The following GDF11 variants were observed in gnomAD, a reference collection of about 807,000 sequenced individuals.
GDF11 encodes growth differentiation factor 11.
GDF11 carries 12 observed loss-of-function variants against 34.4 expected under a neutral mutation model. The observed-to-expected ratio is 0.35, with a 90% CI of 0.22 to 0.57. The LOEUF is 0.57. Ranked by LOEUF, GDF11 falls within the 20% of genes least tolerant of loss-of-function variation. The probability of loss-of-function intolerance (pLI) is 0.86; values close to 1 mark genes in which losing one functional copy is unlikely to be tolerated. For missense variants in GDF11, 346 were observed against 548.2 expected (o/e 0.63, Z 3.68); for synonymous variants, 212 against 231.1 (o/e 0.92, Z 0.75).
In GDF11 at chr12:55,750,777, G is replaced by C. The variant is rs567550907; in HGVS notation, c.*895G>C. 28 of 152,194 alleles carry C rather than the reference G, an allele frequency of 1.8e-4. No individual in the cohort carries two copies. The highest frequency in any genetic ancestry group is 6.5e-4 in the African/African-American group (27 of 41,442). 9.4% of individuals were successfully genotyped at this position (152,194 alleles called of 1,614,324 possible). A position where few individuals can be genotyped will look rare whatever the true frequency, so the allele number is the denominator to read the frequency against. ...GAGCTGGGGATGCGGGGGTGGGAGA[G>C]AGAACCCTCAACATCCAGGATCTAT... On this transcript the variant is annotated 3_prime_UTR_variant, in exon 3 of 3. Transcript: ENST00000257868.
chr12:55,747,399 G>A (rs1466202965), intron 1 of GDF11, among the ~76,000 whole-genome samples: 2 of 152,014 alleles, frequency 1.3e-5, no homozygotes, highest in Non-Finnish European at 2.9e-5. Context: ...GGTGGGGGTG[G>A]GGAAGAGCTG....
chr12:55,745,672 G>T (rs1474514507), intron 1 of GDF11, among the ~76,000 whole-genome samples: 1 of 151,936 alleles, frequency 6.6e-6, no homozygotes, highest in Non-Finnish European at 1.5e-5. Context: ...AGAGACTTGT[G>T]CTCTGCTAAT....
At position 55,749,751 on chromosome 12, in the gene GDF11, A is replaced by G. The variant is rs771675483; in HGVS notation, c.1093A>G (p.Arg365Gly). The G allele has an allele frequency of 1.9e-6, 3 of 1,614,128 alleles. No individual in the cohort carries two copies. The highest frequency in any genetic ancestry group is 2.2e-5 in the South Asian group (2 of 91,072). Residue 365 changes from arginine to glycine, a missense_variant, in exon 3 of 3, where the codon AGA (arginine) becomes GGA (glycine). Coordinates refer to ENST00000257868, the MANE Select transcript of GDF11 (RefSeq NM_005811.5). This position sits in a 1 kb window ranked among gnomAD's most constrained non-coding sequence, Gnocchi z 5.6. ...CCATTTGGTGCAGCAGGCCAATCCAAGAGGCTCTGCTGGGCCCTGTTGTAC... is the reference window on the plus strand; with the variant it reads ...CCATTTGGTGCAGCAGGCCAATCCAGGAGGCTCTGCTGGGCCCTGTTGTAC... ...HTHLVQQANP[R>G]GSAGPCCTPT...
Position 55,750,851 on chromosome 12 carries a change from TTA to T in GDF11, c.*971_*972del. 1 of 152,118 alleles carries T rather than the reference TTA, an allele frequency of 6.6e-6. No homozygotes were observed. Among genetic ancestry groups the T allele is most frequent in the East Asian group, 1.9e-4 (1 of 5,178 alleles). 9.4% of individuals were successfully genotyped at this position (152,118 alleles called of 1,614,324 possible). A position where few individuals can be genotyped will look rare whatever the true frequency, so the allele number is the denominator to read the frequency against. On this transcript the variant is annotated 3_prime_UTR_variant, in exon 3 of 3. Coordinates refer to ENST00000257868, the MANE Select transcript of GDF11 (RefSeq NM_005811.5). Reference sequence around the variant, plus strand: ...TCAGGTCCACCCTCATGATGCTGAGTTATTTAGCCAGAGGGTGCAGCCTGCTT... The same window carrying T: ...TCAGGTCCACCCTCATGATGCTGAGTTTTAGCCAGAGGGTGCAGCCTGCTT...
rs933180145 is a variant in GDF11, at chr12:55,752,083, C to T, written c.*2201C>T. 7.2e-5 allele frequency: 11 copies of T among 152,234 alleles called. No homozygotes were observed. The highest frequency in any genetic ancestry group is 2.7e-4 in the African/African-American group (11 of 41,450). 9.4% of individuals were successfully genotyped at this position (152,234 alleles called of 1,614,324 possible). A position where few individuals can be genotyped will look rare whatever the true frequency, so the allele number is the denominator to read the frequency against. On this transcript the variant is annotated 3_prime_UTR_variant, in exon 3 of 3. Coordinates refer to ENST00000257868, the MANE Select transcript of GDF11 (RefSeq NM_005811.5). ...TATAGCAGCTATGCTAACCCCAAGCCTCTCTGGCCCTGTTCTTCATCCTTC... is the reference window on the plus strand; with the variant it reads ...TATAGCAGCTATGCTAACCCCAAGCTTCTCTGGCCCTGTTCTTCATCCTTC...
intron 1 of GDF11, among the ~76,000 whole-genome samples, chr12:55,746,922 T>A (rs573734885): frequency 6.6e-6 from 1 of 152,346 alleles, no homozygotes; most frequent in African/African-American, 2.4e-5. Context: ...GCCTGTATAA[T>A]TTAAGATTGG....
chr12:55,744,607 A>G (rs952985786), intron 1 of GDF11, among the ~76,000 whole-genome samples: 1 of 152,066 alleles, frequency 6.6e-6, no homozygotes, highest in African/African-American at 2.4e-5. Flanking sequence ...CTGCTTTGAA[A>G]TTTTATGGCC....
rs980340171 is a variant in GDF11 at position 55,756,505 on chromosome 12, C to T, written c.*6623C>T. The T allele has an allele frequency of 1.3e-5, 2 of 152,154 alleles. No individual in the cohort carries two copies. Among genetic ancestry groups the T allele is most frequent in the Non-Finnish European group, 2.9e-5 (2 of 68,034 alleles). The allele number at this position is 152,154 out of a possible 1,614,324, so 9.4% of individuals were successfully genotyped here. A position where few individuals can be genotyped will look rare whatever the true frequency, so the allele number is the denominator to read the frequency against. ...ATAAGGATAAAGGATTACACCACAG[C>T]AACATGGGACCTGATCATAGTACCA... On this transcript the variant is annotated 3_prime_UTR_variant, in exon 3 of 3. Coordinates refer to ENST00000257868, the MANE Select transcript of GDF11 (RefSeq NM_005811.5).
intron 1 of GDF11, among the ~76,000 whole-genome samples, chr12:55,744,137 C>T (rs1458464497): frequency 6.6e-6 from 1 of 152,198 alleles, no homozygotes; most frequent in South Asian, 2.1e-4. Context: ...GCAGGACCCC[C>T]GCAGCCCCAG....
Position 55,750,765 on chromosome 12 carries a change from G to C in GDF11, c.*883G>C, listed in dbSNP as rs1442333121. The stretch of plus-strand genomic sequence containing the variant: ...GTTAGGGTTTAAGAGCTGGGGATGC[G>C]GGGGTGGGAGAGAGAACCCTCAACA... On this transcript the variant is annotated 3_prime_UTR_variant, in exon 3 of 3. Transcript: ENST00000257868. 1 of 152,172 alleles carries C rather than the reference G, an allele frequency of 6.6e-6. No homozygotes were observed. Among genetic ancestry groups the C allele is most frequent in the Non-Finnish European group, 1.5e-5 (1 of 68,028 alleles). The allele number at this position is 152,172 out of a possible 1,614,324, so 9.4% of individuals were successfully genotyped here.
In GDF11 at chr12:55,750,060, G is replaced by A. The variant is rs1235880572; in HGVS notation, c.*178G>A. The A allele has an allele frequency of 9.8e-6, 6 of 611,884 alleles. No individual in the cohort carries two copies. Among genetic ancestry groups the A allele is most frequent in the African/African-American group, 1.8e-5 (1 of 54,474 alleles). The allele number at this position is 611,884 out of a possible 1,614,324, so 37.9% of individuals were successfully genotyped here. A position where few individuals can be genotyped will look rare whatever the true frequency, so the allele number is the denominator to read the frequency against. ...GGTGGGAATTGAGGGTGAGGGGTTT[G>A]GGGGAAAGGGGAAGCAGGGGCATAG... On this transcript the variant is annotated 3_prime_UTR_variant, in exon 3 of 3. Transcript: ENST00000257868.
chr12:55,745,434 G>C (rs957730159), intron 1 of GDF11, among the ~76,000 whole-genome samples: 12 of 151,988 alleles, frequency 7.9e-5, no homozygotes, highest in African/African-American at 2.4e-4. Context: ...GCCTGGGTCG[G>C]TGGGAAGGGG....
rs1427409294 is a variant in GDF11, at chr12:55,750,250, A to C, written c.*368A>C. ...GCAGAGACAAAACACTGAGAAAGAG[A>C]CTGAAATGGAGTAATAAATGAAAGC... On this transcript the variant is annotated 3_prime_UTR_variant, in exon 3 of 3. Transcript: ENST00000257868. The C allele has an allele frequency of 1.5e-5, 3 of 203,648 alleles. No homozygotes were observed. Among genetic ancestry groups the C allele is most frequent in the Non-Finnish European group, 2.9e-5 (3 of 101,740 alleles). 12.6% of individuals were successfully genotyped at this position (203,648 alleles called of 1,614,324 possible).
chr12:55,746,026 G>C (rs901008864), intron 1 of GDF11, among the ~76,000 whole-genome samples: 1 of 152,058 alleles, frequency 6.6e-6, no homozygotes, highest in Non-Finnish European at 1.5e-5. Flanking sequence ...TGCAGGGAGG[G>C]GGTTGGGCAT....
chr12:55,749,353 G>A lies in GDF11; in HGVS notation c.844-149G>A. The stretch of plus-strand genomic sequence containing the variant: ...GCTAGCTAGCTGGCAAGAAAAGTGG[G>A]CAAAAGATAAATTCTGGGGGTGGGA... On this transcript the variant is annotated intron_variant, in intron 2 of 2. Coordinates refer to ENST00000257868, the MANE Select transcript of GDF11 (RefSeq NM_005811.5). This position sits in a 1 kb window ranked among gnomAD's most constrained non-coding sequence, Gnocchi z 5.6. 2.3e-6 allele frequency: 2 copies of A among 862,062 alleles called. No individual in the cohort carries two copies. The highest frequency in any genetic ancestry group is 1.8e-5 in the South Asian group (1 of 55,530). The allele number at this position is 862,062 out of a possible 1,614,324, so 53.4% of individuals were successfully genotyped here.
rs760424931 is a variant in GDF11, at chr12:55,748,833, C to T, written c.693C>T (p.Arg231=). ...IRSLKIELHS[R]SGHWQSIDFK... ...CACTGAAGATTGAGCTGCACTCACG[C>T]TCAGGCCATTGGCAGAGCATCGACT... is the stretch of plus-strand genomic sequence containing the variant. Residue 231 remains arginine (R), a synonymous_variant, in exon 2 of 3, where the codon CGC becomes CGT. Transcript: ENST00000257868. This position sits in a 1 kb window ranked among gnomAD's most constrained non-coding sequence, Gnocchi z 5.6. 1 of 1,614,022 alleles carries T rather than the reference C, an allele frequency of 6.2e-7. No individual in the cohort carries two copies. Among genetic ancestry groups the T allele is most frequent in the Non-Finnish European group, 8.5e-7 (1 of 1,180,018 alleles).
In GDF11 at chr12:55,755,871, G is replaced by A. The variant is rs1878491635; in HGVS notation, c.*5989G>A. 6.6e-6 allele frequency: 1 copy of A among 152,094 alleles called. No individual in the cohort carries two copies. The highest frequency in any genetic ancestry group is 1.5e-5 in the Non-Finnish European group (1 of 68,024). The allele number at this position is 152,094 out of a possible 1,614,324, so 9.4% of individuals were successfully genotyped here. ...GTAAGATGAGTGAGGAGAATAATTA[G>A]GCTTCAAGAAGAGAATCCTGGCAAG... On this transcript the variant is annotated 3_prime_UTR_variant, in exon 3 of 3. Coordinates refer to ENST00000257868, the MANE Select transcript of GDF11 (RefSeq NM_005811.5).
rs759498492 is a variant in GDF11 at position 55,743,662 on chromosome 12, C to G, written c.346C>G (p.Leu116Val). 6.2e-7 allele frequency: 1 copy of G among 1,604,198 alleles called. No individual in the cohort carries two copies. The highest frequency in any genetic ancestry group is 1.3e-5 in the African/African-American group (1 of 74,908). ...GCCGCCGCTGCAGCAGATCCTGGACCTACACGACTTCCAGGGCGACGCGCT... is the reference window on the plus strand; with the variant it reads ...GCCGCCGCTGCAGCAGATCCTGGACGTACACGACTTCCAGGGCGACGCGCT... ...KAPPLQQILD[L>V]HDFQGDALQP... Residue 116 changes from leucine (L) to valine (V), a missense_variant, in exon 1 of 3, where the codon CTA (leucine) becomes GTA (valine). Leu to Val is a conservative substitution (Grantham distance 32). Coordinates refer to ENST00000257868, the MANE Select transcript of GDF11 (RefSeq NM_005811.5).
In GDF11 at chr12:55,754,962, G is replaced by C. The variant is rs529524284; in HGVS notation, c.*5080G>C. 1 of 152,294 alleles carries C rather than the reference G, an allele frequency of 6.6e-6. No individual in the cohort carries two copies. The highest frequency in any genetic ancestry group is 2.1e-4 in the South Asian group (1 of 4,816). The allele number at this position is 152,294 out of a possible 1,614,324, so 9.4% of individuals were successfully genotyped here. ...ATACAGGAATAACATAAGGGAAAGA[G>C]ATAACAAGAAAGTTAGGGACACCTT... On this transcript the variant is annotated 3_prime_UTR_variant, in exon 3 of 3. Coordinates refer to ENST00000257868, the MANE Select transcript of GDF11 (RefSeq NM_005811.5).
Sources: gnomAD v4.1 joint callset for allele counts (sites outside exome capture counted in the v4.1 genomes callset) on GRCh38, gnomAD v4.1.1 for gene constraint, Gnocchi (gnomAD v3.1) non-coding constraint, MANE v1.5 for transcripts, NCBI Gene and HGNC (gene_info 2026-07-23, HGNC 2026-07-21) for gene names.